Variants in USP12 observed in about 807,000 individuals in gnomAD.
USP12 encodes ubiquitin carboxyl-terminal hydrolase 12.
USP12 carries 19 observed loss-of-function variants against 45.5 expected under a neutral mutation model. The observed-to-expected ratio is 0.42, with a 90% CI of 0.29 to 0.61. The LOEUF (loss-of-function observed/expected upper bound fraction) is 0.61, where lower values mean the gene tolerates loss of function less well. Ranked by LOEUF, USP12 falls within the 20% of genes least tolerant of loss-of-function variation. The pLI, the probability that USP12 is intolerant of heterozygous loss-of-function variation, is 0.22. For missense variants in USP12, 242 were observed against 447.7 expected (o/e 0.54, Z 4.15); for synonymous variants, 149 against 148.8 (o/e 1.00, Z -0.01).
At chr13:27,169,230 T>C (rs994675612) in intron 1 of USP12, 1 of 152,128 alleles carries the variant, frequency 6.6e-6, no homozygotes, top group Non-Finnish European at 1.5e-5. Flanking sequence ...TGAAACTGTA[T>C]GAAGGGGATG....
chr13:27,147,654 T>A (rs1182998560), intron 1 of USP12, among the ~76,000 whole-genome samples: 1 of 151,864 alleles, frequency 6.6e-6, no homozygotes, highest in Non-Finnish European at 1.5e-5. Flanking sequence ...GAAAAGAGGA[T>A]GCATCACTTA....
chr13:27,157,090 T>C (rs1371405765), intron 1 of USP12, among the ~76,000 whole-genome samples: 1 of 152,222 alleles, frequency 6.6e-6, no homozygotes, highest in African/African-American at 2.4e-5. Flanking sequence ...GAACTAATAA[T>C]AACAAAGTAA....
intron 6 of USP12, among the ~76,000 whole-genome samples, chr13:27,086,774 C>A (rs561633986): frequency 2.6e-5 from 4 of 152,134 alleles, no homozygotes; most frequent in African/African-American, 9.7e-5. Context: ...ACTTATCCAA[C>A]GGTCTTAGGT....
chr13:27,095,711 T>C lies in USP12; in HGVS notation c.463A>G (p.Asn155Asp). 6.2e-7 allele frequency: 1 copy of C among 1,613,314 alleles called. No homozygotes were observed. The highest frequency in any genetic ancestry group is 8.5e-7 in the Non-Finnish European group (1 of 1,179,506). ...KQEKQNGRLP[N>D]GNIDNENNNS... ...TTATTTTCATTATCAATATTACCAT[T>C]AGGTAAACGACCATTTTGTTTTTCC... is the stretch of plus-strand genomic sequence containing the variant. The change falls in exon 4 of 9, where the codon AAT (asparagine) becomes GAT (aspartate). Residue 155 changes from asparagine to aspartate, a missense_variant. Coordinates refer to ENST00000282344, the MANE Select transcript of USP12 (RefSeq NM_182488.4).
At chr13:27,075,795 C>T (rs1368785496) in intron 6 of USP12, among the ~76,000 whole-genome samples, 2 of 151,904 alleles carry the variant, frequency 1.3e-5, no homozygotes, top group Admixed American at 1.3e-4. Flanking sequence ...TTTGGGAGGC[C>T]GAGGCAGGTG....
chr13:27,083,570 A>G (rs1034657559), intron 6 of USP12, among the ~76,000 whole-genome samples: 8 of 152,120 alleles, frequency 5.3e-5, no homozygotes, highest in Admixed American at 2.0e-4. Flanking sequence ...CCCATGGGAT[A>G]AACGTATATG....
intron 6 of USP12, among the ~76,000 whole-genome samples, chr13:27,084,204 AC>A (rs1873898640): frequency 6.6e-6 from 1 of 151,416 alleles, no homozygotes; most frequent in East Asian, 1.9e-4. Context: ...ACACACACAC[AC>A]ACACACACAC....
chr13:27,144,495 TCTTTAA>T (rs1216597348), intron 1 of USP12, among the ~76,000 whole-genome samples: 1 of 101,802 alleles, frequency 9.8e-6, no homozygotes, highest in Non-Finnish European at 2.0e-5. Flanking sequence ...GGCAAGACTC[TCTTTAA>T]AAAAAAAAAA....
At chr13:27,163,469 C>G (rs1878205634) in intron 1 of USP12, among the ~76,000 whole-genome samples, 1 of 152,180 alleles carries the variant, frequency 6.6e-6, no homozygotes, top group Admixed American at 6.5e-5. Flanking sequence ...GCCCTCTTCT[C>G]TCTCCCAAAA....
intron 1 of USP12, among the ~76,000 whole-genome samples, chr13:27,163,374 C>G (rs1454994571): frequency 6.6e-6 from 1 of 152,156 alleles, no homozygotes; most frequent in Non-Finnish European, 1.5e-5. Flanking sequence ...CTATTTACAT[C>G]TGGTATCCCA....
chr13:27,110,722 T>G (rs1172815249), intron 2 of USP12, among the ~76,000 whole-genome samples: 2 of 152,200 alleles, frequency 1.3e-5, no homozygotes, highest in African/African-American at 4.8e-5. Context: ...TACAACTGAA[T>G]GTTACTAAGA....
intron 6 of USP12, among the ~76,000 whole-genome samples, chr13:27,083,265 A>G (rs1378041192): frequency 6.6e-6 from 1 of 152,210 alleles, no homozygotes. Flanking sequence ...TGCAAGAATT[A>G]CCAAAAATGT....
intron 3 of USP12, 46 bp downstream of exon 3, chr13:27,105,684 AT>A (rs1565991278): frequency 6.4e-7 from 1 of 1,561,750 alleles, no homozygotes; most frequent in Admixed American, 1.7e-5. Flanking sequence ...GGCACACTAT[AT>A]TTAACCTTCC....
At chr13:27,089,751 C>T in intron 6 of USP12, 132 bp downstream of exon 6, 1 of 796,694 alleles carries the variant, frequency 1.3e-6, no homozygotes, top group East Asian at 2.7e-5. Flanking sequence ...ACTTAATGAA[C>T]ATTAACTGTT....
At chr13:27,069,460 C>A in intron 8 of USP12, 76 bp from the exon 9 acceptor site, 2 of 1,026,732 alleles carry the variant, frequency 1.9e-6, no homozygotes, top group Non-Finnish European at 3.0e-6. Context: ...AAAAGACTGA[C>A]AATACCAAGT....
rs568028351 is a variant in USP12 at position 27,124,650 on chromosome 13, G to A, written c.49-8054C>T. 4.6e-5 allele frequency among the ~76,000 whole-genome samples: 7 copies of A among 152,178 alleles called. No individual in the cohort carries two copies. The South Asian group carries it at 1.0e-3, about 23-fold the overall frequency. On this transcript the variant is annotated intron_variant, in intron 1 of 8. Transcript: ENST00000282344. Reference sequence around the variant, plus strand: ...AGCTTCCCAGAGGTGGGAAAAGCACGTGACCTGGTAAAATAAGAAAAGTTC... The same window carrying A: ...AGCTTCCCAGAGGTGGGAAAAGCACATGACCTGGTAAAATAAGAAAAGTTC...
chr13:27,095,464 A>C, intron 4 of USP12, 137 bp downstream of exon 4: 1 of 613,892 alleles, frequency 1.6e-6, no homozygotes, highest in Non-Finnish European at 2.7e-6. Context: ...ATTCCTTTTA[A>C]CTGAAAAATA....
intron 6 of USP12, among the ~76,000 whole-genome samples, chr13:27,084,393 C>G (rs1367750118): frequency 6.6e-6 from 1 of 150,838 alleles, no homozygotes; most frequent in East Asian, 2.0e-4. Context: ...GTAGTCCCAG[C>G]TACTCAGGAG....
chr13:27,110,884 C>A (rs886189239), intron 2 of USP12, among the ~76,000 whole-genome samples: 1 of 152,194 alleles, frequency 6.6e-6, no homozygotes, highest in Non-Finnish European at 1.5e-5. Context: ...AATTGAACAA[C>A]TTCCACCGAG....
Sources: allele counts gnomAD v4.1 joint callset (sites outside exome capture counted in the v4.1 genomes callset), GRCh38; gene constraint gnomAD v4.1.1; transcripts MANE v1.5; gene names NCBI Gene and HGNC (gene_info 2026-07-23, HGNC 2026-07-21).